Variants in ADCY7 observed in about 807,000 individuals in gnomAD.
ADCY7 encodes adenylate cyclase 7.
ADCY7 carries 72 observed loss-of-function variants against 120.6 expected under a neutral mutation model. That is an observed-to-expected ratio of 0.60 (90% CI 0.49 to 0.73). The LOEUF is 0.73. ADCY7 is among the 30% of genes least tolerant of loss of function. The pLI, the probability that ADCY7 is intolerant of heterozygous loss-of-function variation, is 0.00. For missense variants in ADCY7, 1,227 were observed against 1,486.0 expected, an observed-to-expected ratio of 0.83 and a Z score of 2.87; for synonymous variants, 661 against 628.0, an observed-to-expected ratio of 1.05 and a Z score of -0.78.
At chr16:50,308,917 T>TG (rs2036264591) in intron 17 of ADCY7, 125 bp downstream of exon 17, 15 of 1,278,488 alleles carry the variant, frequency 1.2e-5, no homozygotes, top group Non-Finnish European at 1.5e-5. Flanking sequence ...CAGGTGGATG[T>TG]GGGGGGTTCC....
Position 50,304,535 on chromosome 16 carries a change from A to G in ADCY7, c.1544A>G (p.Asn515Ser), listed in dbSNP as rs770632903. ...AGCAGTGGTGAGACCCACGTCCCCA[A>G]CGGGCGGAGGCCTAAGGTAGGTCCC... ...SVSSGETHVP[N>S]GRRPKSVPQR... The change falls in exon 11 of 26, where the codon AAC (asparagine) becomes AGC (serine). Residue 515 changes from asparagine (N) to serine (S), a missense_variant. Coordinates refer to ENST00000673801, the MANE Select transcript of ADCY7 (RefSeq NM_001114.5). 9.0e-6 allele frequency: 14 copies of G among 1,558,964 alleles called. No individual in the cohort carries two copies. Among genetic ancestry groups the G allele is most frequent in the African/African-American group, 5.5e-5 (4 of 73,016 alleles).
At chr16:50,311,538 C>T (rs904222636) in intron 19 of ADCY7, among the ~76,000 whole-genome samples, 155 bp from the exon 20 acceptor site, 1 of 152,130 alleles carries the variant, frequency 6.6e-6, no homozygotes, top group Non-Finnish European at 1.5e-5. Flanking sequence ...CTCCCCTCCC[C>T]CCTTTATAAT....
chr16:50,299,452 G>A (rs1283433960), intron 8 of ADCY7, among the ~76,000 whole-genome samples: 1 of 152,240 alleles, frequency 6.6e-6, no homozygotes, highest in Non-Finnish European at 1.5e-5. Flanking sequence ...TCCTGAGGCT[G>A]CGGGGAGACC....
intron 6 of ADCY7, 149 bp from the exon 7 acceptor site, chr16:50,294,490 TC>T: frequency 1.7e-6 from 1 of 580,446 alleles, no homozygotes. Flanking sequence ...TGGGCGCGAC[TC>T]TCCCATCCCT....
intron 1 of ADCY7, among the ~76,000 whole-genome samples, chr16:50,269,255 C>G (rs1394956304): frequency 6.6e-6 from 1 of 152,218 alleles, no homozygotes; most frequent in Non-Finnish European, 1.5e-5. Flanking sequence ...GGTCCTCAGG[C>G]ATCCAGTTGT....
chr16:50,262,542 G>T (rs567411508), upstream of ADCY7, among the ~76,000 whole-genome samples: 18 of 152,162 alleles, frequency 1.2e-4, no homozygotes, highest in African/African-American at 4.3e-4. Flanking sequence ...GGCCAGGCTG[G>T]TCTCGAACTC....
intron 6 of ADCY7, 22 bp from the exon 7 acceptor site, chr16:50,294,618 T>TG: frequency 1.2e-6 from 1 of 809,308 alleles, no homozygotes. Flanking sequence ...TGACACTCCC[T>TG]CCCACCCTGC....
rs35262781 is a variant in ADCY7 at position 50,301,239 on chromosome 16, T to TG, written c.1368+32dup. ...GGTACGAGGGCTCAGAGGCCGCAGCTGGGGGGGACCCGGAGGGACTGGAGG... is the reference window on the plus strand; with the variant it reads ...GGTACGAGGGCTCAGAGGCCGCAGCTGGGGGGGGACCCGGAGGGACTGGAGG... On this transcript the variant is annotated intron_variant, in intron 10 of 25. Coordinates refer to ENST00000673801, the MANE Select transcript of ADCY7 (RefSeq NM_001114.5). 2.5e-5 allele frequency: 39 copies of TG among 1,557,844 alleles called. 1 individual carries two copies. In the South Asian group the frequency reaches 3.2e-4, roughly 13 times the overall value.
At chr16:50,308,500 G>A (rs372741363) in intron 16 of ADCY7, 89 bp downstream of exon 16, 21 of 1,590,098 alleles carry the variant, frequency 1.3e-5, no homozygotes, top group African/African-American at 9.4e-5. Flanking sequence ...TGGCTGGGCT[G>A]AGCCCCTGCT....
intron 11 of ADCY7, among the ~76,000 whole-genome samples, 185 bp from the exon 12 acceptor site, chr16:50,304,740 G>C (rs1053763881): frequency 2.0e-5 from 3 of 152,234 alleles, no homozygotes; most frequent in African/African-American, 7.2e-5. Context: ...GGATGGCCAG[G>C]AACATCCCTG....
In ADCY7 at chr16:50,315,062, C is replaced by G; in HGVS notation, c.3020C>G (p.Pro1007Arg). 6.2e-7 allele frequency: 1 copy of G among 1,614,210 alleles called. No homozygotes were observed. Among genetic ancestry groups the G allele is most frequent in the Non-Finnish European group, 8.5e-7 (1 of 1,180,036 alleles). ...VIAGVIGARK[P>R]QYDIWGNTVN... ...GCTGGAGTGATTGGGGCCCGAAAAC[C>G]TCAGTATGACATCTGGGGAAACACT... The change falls in exon 25 of 26, where the codon CCT (proline) becomes CGT (arginine). Residue 1007 changes from proline to arginine, a missense_variant. Pro to Arg is a moderately radical substitution (Grantham distance 103). Coordinates refer to ENST00000673801, the MANE Select transcript of ADCY7 (RefSeq NM_001114.5).
chr16:50,273,804 G>A (rs1180014305), intron 1 of ADCY7, among the ~76,000 whole-genome samples: 1 of 152,208 alleles, frequency 6.6e-6, no homozygotes, highest in Non-Finnish European at 1.5e-5. Context: ...GTACCCCCCA[G>A]TCTGTGGAGT....
rs747184878 is a variant in ADCY7 at position 50,291,794 on chromosome 16, G to A, written c.434G>A (p.Arg145Gln). 73 of 1,613,998 alleles carry A rather than the reference G, an allele frequency of 4.5e-5. No homozygotes were observed. In the Admixed American group the frequency reaches 6.0e-4, roughly 13 times the overall value. The change falls in exon 4 of 26, where the codon CGG (arginine) becomes CAG (glutamine). Residue 145 changes from arginine to glutamine, a missense_variant. Transcript: ENST00000673801. ...TACACACTACTGCCCTTCAGCATGC[G>A]GGGCGCTGTCGCCGTTGGGGCCGTC... ...VVYTLLPFSM[R>Q]GAVAVGAVST...
intron 8 of ADCY7, among the ~76,000 whole-genome samples, chr16:50,299,695 G>A (rs1244530199): frequency 6.6e-6 from 1 of 152,260 alleles, no homozygotes; most frequent in Non-Finnish European, 1.5e-5. Context: ...AGCCTGGGCA[G>A]AGCTGGAGGG....
chr16:50,246,126 G>C (rs1596777849), upstream of ADCY7: 1 of 149,680 alleles, frequency 6.7e-6, no homozygotes, highest in Admixed American at 6.6e-5. Context: ...CTCCTTCCCC[G>C]CCCGCGGTGA....
In ADCY7 at chr16:50,304,409, A is replaced by G. The variant is rs773654390; in HGVS notation, c.1418A>G (p.Asp473Gly). 11 of 1,590,924 alleles carry G rather than the reference A, an allele frequency of 6.9e-6. No homozygotes were observed. The South Asian group carries it at 1.2e-4, about 18-fold the overall frequency. The change falls in exon 11 of 26, where the codon GAC becomes GGC. Residue 473 changes from aspartate to glycine, a missense_variant. Physicochemically the swap from Asp to Gly is moderately conservative, Grantham distance 94. This residue lies in a region of ADCY7 where 332 missense variants were observed against 455.8 expected (regional missense o/e 0.73). Coordinates refer to ENST00000673801, the MANE Select transcript of ADCY7 (RefSeq NM_001114.5). ...CAACACCTCCCCAGGCCCAAGGGGG[A>G]CGCGGCCCTGAAGATGCGGGCGTCA... ...PSQHLPRPKGDAALKMRASVR... is the reference protein window; with the variant it reads ...PSQHLPRPKGGAALKMRASVR...
Position 50,314,398 on chromosome 16 carries a change from T to C in ADCY7, c.2963T>C (p.Leu988Pro). The stretch of plus-strand genomic sequence containing the variant: ...AGGCACTCCTTCAACTCCTTCCGCC[T>C]CCGCGTCGGTGAGCCCGGGTGATGG... ...INRHSFNSFR[L>P]RVGINHGPVI... is the part of the protein sequence containing the mutation. The change falls in exon 24 of 26, where the codon CTC becomes CCC. Residue 988 changes from leucine to proline, a missense_variant. Leu to Pro is a moderately conservative substitution (Grantham distance 98). This residue lies in a region of ADCY7 where 244 missense variants were observed against 332.8 expected (regional missense o/e 0.73). Coordinates refer to ENST00000673801, the MANE Select transcript of ADCY7 (RefSeq NM_001114.5). 6.2e-7 allele frequency: 1 copy of C among 1,613,504 alleles called. No individual in the cohort carries two copies. Among genetic ancestry groups the C allele is most frequent in the Non-Finnish European group, 8.5e-7 (1 of 1,179,934 alleles).
chr16:50,255,388 A>C (rs2032883920), intron 1 of ADCY7, among the ~76,000 whole-genome samples: 1 of 123,036 alleles, frequency 8.1e-6, no homozygotes, highest in Admixed American at 1.0e-4. Flanking sequence ...CTGGCCCATA[A>C]GACTCTGTTT....
upstream of ADCY7, among the ~76,000 whole-genome samples, chr16:50,261,728 C>G (rs1409087003): frequency 2.0e-5 from 3 of 152,196 alleles, no homozygotes; most frequent in Non-Finnish European, 2.9e-5. Context: ...CAAAGTCTCT[C>G]CCTGGAGCCC....
Sources: gnomAD v4.1 joint callset for allele counts (sites outside exome capture counted in the v4.1 genomes callset) on GRCh38, gnomAD v4.1.1 for gene constraint, gnomAD v4.1.1 regional missense constraint, MANE v1.5 for transcripts, NCBI Gene and HGNC (gene_info 2026-07-23, HGNC 2026-07-21) for gene names.